The following CADM2 variants were observed in gnomAD, a reference collection of about 807,000 sequenced individuals.
CADM2 encodes cell adhesion molecule 2, also known as immunoglobulin superfamily member 4D.
CADM2 carries 12 observed loss-of-function variants against 49.8 expected under a neutral mutation model. The observed-to-expected ratio is 0.24, with a 90% confidence interval of 0.15 to 0.39. The LOEUF (loss-of-function observed/expected upper bound fraction) is 0.39. Among genes scored for constraint, CADM2 ranks in the 10% least tolerant of loss-of-function variants. The pLI, the probability that CADM2 is intolerant of heterozygous loss-of-function variation, is 1.00. For missense variants in CADM2, 378 were observed against 492.3 expected (o/e 0.77, Z 2.20); for synonymous variants, 214 against 175.4 (o/e 1.22, Z -1.74).
intron 1 of CADM2, among the ~76,000 whole-genome samples, chr3:85,522,559 G>A (rs535856765): frequency 1.3e-5 from 2 of 152,194 alleles, no homozygotes; most frequent in African/African-American, 4.8e-5. Context: ...CATTGTCATT[G>A]TTATTAGTAT....
intron 3 of CADM2, among the ~76,000 whole-genome samples, chr3:85,870,916 G>C (rs1307696377): frequency 6.6e-6 from 1 of 152,102 alleles, no homozygotes; most frequent in Non-Finnish European, 1.5e-5. Context: ...AGGCTTAAAT[G>C]TAAAACCCAA....
At chr3:85,080,055 C>A (rs2037104733) in intron 1 of CADM2, among the ~76,000 whole-genome samples, 1 of 151,928 alleles carries the variant, frequency 6.6e-6, no homozygotes, top group Admixed American at 6.6e-5. Flanking sequence ...TCTTAAATAT[C>A]TCAAACAAAT....
intron 3 of CADM2, among the ~76,000 whole-genome samples, chr3:85,860,464 T>G (rs2075485116): frequency 6.6e-6 from 1 of 152,170 alleles, no homozygotes; most frequent in Admixed American, 6.5e-5. Context: ...TTAGTGTCTT[T>G]GTCCTATTTG....
intron 3 of CADM2, among the ~76,000 whole-genome samples, chr3:85,870,452 G>A (rs1324970779): frequency 1.3e-5 from 2 of 151,942 alleles, no homozygotes; most frequent in African/African-American, 4.8e-5. Context: ...CCTTCTTTGT[G>A]TCTGTGTGTT....
chr3:85,129,946 C>A (rs377322832), intron 1 of CADM2, among the ~76,000 whole-genome samples: 1 of 152,168 alleles, frequency 6.6e-6, no homozygotes, highest in Non-Finnish European at 1.5e-5. Flanking sequence ...ATGCCTTCCA[C>A]GCTTTTAATG....
At chr3:85,138,388 G>A (rs1297768515) in intron 1 of CADM2, among the ~76,000 whole-genome samples, 1 of 152,030 alleles carries the variant, frequency 6.6e-6, no homozygotes, top group Non-Finnish European at 1.5e-5. Flanking sequence ...TTTCTTCAGA[G>A]GTTTTTCTGT....
Position 84,959,313 on chromosome 3 carries a change from G to T in CADM2, c.-295G>T, listed in dbSNP as rs2030208907. ...GGCTCTGGGACTTGCTGTGCGCGCC[G>T]AGAGGAAGGCAAGCTCCAAACCCCT... is the stretch of plus-strand genomic sequence containing the variant. On this transcript the variant is annotated 5_prime_UTR_variant, in exon 1 of 10. Coordinates refer to ENST00000383699, the MANE Select transcript of CADM2 (RefSeq NM_001167675.2). 2 of 516,470 alleles carry T rather than the reference G, an allele frequency of 3.9e-6. No individual in the cohort carries two copies. Among genetic ancestry groups the T allele is most frequent in the African/African-American group, 2.0e-5 (1 of 50,990 alleles). The allele number at this position is 516,470 out of a possible 1,614,324, so 32.0% of individuals were successfully genotyped here.
At chr3:85,982,125 A>T (rs1343059762) in intron 8 of CADM2, among the ~76,000 whole-genome samples, 1 of 151,624 alleles carries the variant, frequency 6.6e-6, no homozygotes, top group African/African-American at 2.4e-5. Context: ...GCATTTTTTC[A>T]TATGCTTGTT....
chr3:85,996,290 C>CTTTTTTTT (rs397990432), intron 8 of CADM2, among the ~76,000 whole-genome samples: 7 of 89,310 alleles, frequency 7.8e-5, no homozygotes, highest in South Asian at 4.1e-4. Flanking sequence ...TTTTCATTTA[C>CTTTTTTTT]TTTTTTTTTT....
intron 8 of CADM2, among the ~76,000 whole-genome samples, chr3:85,988,877 A>G (rs1325675225): frequency 6.6e-6 from 1 of 152,182 alleles, no homozygotes; most frequent in Non-Finnish European, 1.5e-5. Flanking sequence ...GAGTGTTTAC[A>G]TGGGCAAAAG....
intron 1 of CADM2, among the ~76,000 whole-genome samples, chr3:85,408,010 C>CAAAAAAAAAAAAAAAAAAAAACA (rs372349246): frequency 1.8e-5 from 1 of 56,184 alleles, no homozygotes; most frequent in African/African-American, 6.2e-5. Flanking sequence ...AAAACAAAAC[C>CAAAAAAAAAAAAAAAAAAAAACA]AAAAAAAAAA....
chr3:85,753,747 A>G (rs887840827), intron 2 of CADM2, among the ~76,000 whole-genome samples: 1 of 152,158 alleles, frequency 6.6e-6, no homozygotes, highest in Non-Finnish European at 1.5e-5. Flanking sequence ...CTGTTCTGAT[A>G]TGACTCCTAT....
chr3:85,803,584 C>A (rs187808476), intron 3 of CADM2, among the ~76,000 whole-genome samples: 1 of 152,138 alleles, frequency 6.6e-6, no homozygotes, highest in East Asian at 1.9e-4. Flanking sequence ...ATTTTGGGGT[C>A]TGGCAAGTTT....
chr3:85,556,760 T>C (rs1468353379), intron 1 of CADM2, among the ~76,000 whole-genome samples: 2 of 152,154 alleles, frequency 1.3e-5, no homozygotes, highest in South Asian at 4.1e-4. Context: ...CATTTTACAA[T>C]GCACATAATA....
intron 2 of CADM2, among the ~76,000 whole-genome samples, chr3:85,769,642 T>TACATATATACATATATAGTATATATATAC (rs2069963131): frequency 3.0e-5 from 4 of 132,828 alleles, no homozygotes; most frequent in South Asian, 2.2e-4. Flanking sequence ...TACACATATA[T>TACATATATACATATATAGTATATATATAC]ACATATATAC....
chr3:85,574,334 G>A (rs900780183), intron 1 of CADM2, among the ~76,000 whole-genome samples: 21 of 152,278 alleles, frequency 1.4e-4, no homozygotes, highest in African/African-American at 4.1e-4. Context: ...GTTCTGCTAA[G>A]GTAGCAAAAA....
intron 8 of CADM2, among the ~76,000 whole-genome samples, chr3:86,036,835 G>A (rs1203637743): frequency 6.6e-6 from 1 of 152,108 alleles, no homozygotes; most frequent in African/African-American, 2.4e-5. Context: ...GGTGGTATGT[G>A]CCTGTTTGTT....
chr3:85,559,625 A>G (rs1248690971), intron 1 of CADM2, among the ~76,000 whole-genome samples: 2 of 151,626 alleles, frequency 1.3e-5, no homozygotes, highest in Non-Finnish European at 2.9e-5. Flanking sequence ...TTAAAAATCT[A>G]TTTTATTGCT....
intron 1 of CADM2, among the ~76,000 whole-genome samples, chr3:85,150,887 C>T (rs544588391): frequency 2.0e-4 from 30 of 150,944 alleles, no homozygotes; most frequent in South Asian, 1.0e-3. Context: ...CCAGCCCGGG[C>T]GACAATGCGA....
Sources: gnomAD v4.1 joint callset for allele counts (sites outside exome capture counted in the v4.1 genomes callset) on GRCh38, gnomAD v4.1.1 for gene constraint, MANE v1.5 for transcripts, NCBI Gene and HGNC (gene_info 2026-07-23, HGNC 2026-07-21) for gene names.